VTA1: variants seen among roughly 807,000 people sequenced by gnomAD.
The protein encoded by VTA1 is vesicle trafficking 1, also known as vacuolar protein sorting-associated protein VTA1 homolog.
VTA1 carries 24 observed loss-of-function variants against 36.9 expected under a neutral mutation model. That is an observed-to-expected ratio of 0.65 (90% confidence interval 0.47 to 0.91). VTA1 has a LOEUF of 0.91. Among genes scored for constraint, VTA1 ranks in the 40% least tolerant of loss-of-function variants. The pLI is 0.00. For missense variants in VTA1, 393 were observed against 377.2 expected, an observed-to-expected ratio of 1.04 and a Z score of -0.35; for synonymous variants, 142 against 130.2, an observed-to-expected ratio of 1.09 and a Z score of -0.62.
At chr6:142,176,348 T>C (rs1417524428) in intron 4 of VTA1, among the ~76,000 whole-genome samples, 2 of 152,236 alleles carry the variant, frequency 1.3e-5, no homozygotes, top group Non-Finnish European at 1.5e-5. Flanking sequence ...TCTGCCCTCG[T>C]TGAGCTTATG....
At chr6:142,181,116 T>TATATATATATATATATATATATAC (rs753996612) in intron 4 of VTA1, among the ~76,000 whole-genome samples, 16 of 87,068 alleles carry the variant, frequency 1.8e-4, no homozygotes, top group Non-Finnish European at 2.7e-4. Flanking sequence ...TATATATATA[T>TATATATATATATATATATATATAC]ACACACACAC....
chr6:142,158,299 A>G (rs1202806823), intron 1 of VTA1, among the ~76,000 whole-genome samples: 2 of 152,126 alleles, frequency 1.3e-5, no homozygotes, highest in East Asian at 1.9e-4. Context: ...GATGCAGGGT[A>G]AGACTCTGGA....
chr6:142,198,713 A>G, intron 6 of VTA1, 98 bp downstream of exon 6: 1 of 1,175,652 alleles, frequency 8.5e-7, no homozygotes, highest in Non-Finnish European at 1.2e-6. Context: ...GGTCATGAAA[A>G]CATGACAAGT....
chr6:142,172,211 G>A (rs980196068), intron 4 of VTA1, among the ~76,000 whole-genome samples: 3 of 152,110 alleles, frequency 2.0e-5, no homozygotes, highest in Non-Finnish European at 4.4e-5. Context: ...GGGTTTCACT[G>A]TGTTGGCCAG....
At chr6:142,209,032 G>T (rs527547572) in intron 7 of VTA1, among the ~76,000 whole-genome samples, 1 of 152,198 alleles carries the variant, frequency 6.6e-6, no homozygotes, top group Admixed American at 6.5e-5. Flanking sequence ...TTAGGCAAAA[G>T]AAAGAAATAA....
chr6:142,206,202 A>G (rs536915627), intron 7 of VTA1, among the ~76,000 whole-genome samples: 100 of 152,350 alleles, frequency 6.6e-4, no homozygotes, highest in South Asian at 1.2e-3. Context: ...CTGATAAGCA[A>G]TTGTAACTGG....
At chr6:142,172,009 A>T (rs1775036929) in intron 4 of VTA1, among the ~76,000 whole-genome samples, 1 of 152,158 alleles carries the variant, frequency 6.6e-6, no homozygotes. Flanking sequence ...TGACAAATGA[A>T]GGACTTTTCT....
At chr6:142,209,836 C>T (rs1775867196) in intron 7 of VTA1, among the ~76,000 whole-genome samples, 1 of 151,982 alleles carries the variant, frequency 6.6e-6, no homozygotes, top group Admixed American at 6.6e-5. Flanking sequence ...CTACCCAAAG[C>T]AATCTACAGA....
At chr6:142,211,811 C>G (rs1323247666) in intron 7 of VTA1, among the ~76,000 whole-genome samples, 1 of 151,434 alleles carries the variant, frequency 6.6e-6, no homozygotes, top group Non-Finnish European at 1.5e-5. Context: ...ATACGTAGAA[C>G]TCCTAAAGAA....
chr6:142,205,721 A>G (rs1775778569), intron 7 of VTA1, among the ~76,000 whole-genome samples: 1 of 152,194 alleles, frequency 6.6e-6, no homozygotes, highest in South Asian at 2.1e-4. Flanking sequence ...AAGAAAAATA[A>G]CATGGATTTC....
At chr6:142,209,222 C>A (rs1775853104) in intron 7 of VTA1, among the ~76,000 whole-genome samples, 1 of 151,956 alleles carries the variant, frequency 6.6e-6, no homozygotes, top group African/African-American at 2.4e-5. Context: ...ATACAAAAAT[C>A]AGTAGCATTT....
intron 6 of VTA1, among the ~76,000 whole-genome samples, chr6:142,203,208 T>C (rs536253102): frequency 6.6e-6 from 1 of 152,130 alleles, no homozygotes; most frequent in Non-Finnish European, 1.5e-5. Flanking sequence ...CTTTTTCTTA[T>C]TCCAGTATTT....
intron 1 of VTA1, among the ~76,000 whole-genome samples, chr6:142,163,337 C>G (rs187776712): frequency 4.1e-4 from 63 of 152,166 alleles, no homozygotes; most frequent in African/African-American, 1.5e-3. Context: ...AGATCTTTCC[C>G]TGCTGTCATT....
At chr6:142,156,185 TAAGTGATAGAACC>T (rs1425162165) in intron 1 of VTA1, among the ~76,000 whole-genome samples, 1 of 152,160 alleles carries the variant, frequency 6.6e-6, no homozygotes, top group Non-Finnish European at 1.5e-5. Flanking sequence ...CTTCTGTTAC[TAAGTGATAGAACC>T]AAGACTCGAA....
At chr6:142,163,543 T>A (rs1774852891) in intron 1 of VTA1, among the ~76,000 whole-genome samples, 1 of 151,994 alleles carries the variant, frequency 6.6e-6, no homozygotes, top group African/African-American at 2.4e-5. Flanking sequence ...TTTTTTTTTT[T>A]AAGTTACTAA....
At chr6:142,175,474 A>C (rs894298389) in intron 4 of VTA1, among the ~76,000 whole-genome samples, 1 of 152,042 alleles carries the variant, frequency 6.6e-6, no homozygotes, top group Non-Finnish European at 1.5e-5. Context: ...TAGTCCTTAC[A>C]TGAATTTCTC....
intron 6 of VTA1, among the ~76,000 whole-genome samples, chr6:142,200,938 G>A (rs1403740463): frequency 6.6e-6 from 1 of 151,816 alleles, no homozygotes; most frequent in Non-Finnish European, 1.5e-5. Flanking sequence ...ATGTATTACT[G>A]TCTTTAACTT....
chr6:142,185,041 G>A (rs1775312948), intron 4 of VTA1, among the ~76,000 whole-genome samples: 1 of 151,896 alleles, frequency 6.6e-6, no homozygotes, highest in East Asian at 1.9e-4. Context: ...ATCTTTGCTT[G>A]TACTTTTCCT....
intron 6 of VTA1, among the ~76,000 whole-genome samples, chr6:142,202,728 G>T (rs1989181): frequency 0.2 from 29,860 of 151,764 alleles, 3,709 homozygotes; most frequent in East Asian, 0.68. Flanking sequence ...TTTGTAGGTG[G>T]GTGGAAAGGT....
Sources: allele counts gnomAD v4.1 joint callset (sites outside exome capture counted in the v4.1 genomes callset), GRCh38; gene constraint gnomAD v4.1.1; transcripts MANE v1.5; gene names NCBI Gene and HGNC (gene_info 2026-07-23, HGNC 2026-07-21).